The following GOLT1B variants were observed in gnomAD, a reference collection of about 807,000 sequenced individuals.
GOLT1B encodes vesicle transport protein GOT1B.
In GOLT1B, 3 loss-of-function variants were observed where a neutral mutation model predicts 15.4. That is an observed-to-expected ratio of 0.19 (90% CI 0.09 to 0.50). The LOEUF is 0.50. GOLT1B is among the 20% of genes least tolerant of loss of function. The pLI is 0.97. For synonymous variants in GOLT1B, 65 were observed against 56.2 expected (o/e 1.16, Z -0.70); for missense variants, 145 against 160.4 (o/e 0.90, Z 0.52).
In GOLT1B at chr12:21,515,654, T is replaced by C. The variant is rs989082451; in HGVS notation, c.379-15T>C. The C allele has an allele frequency of 7.7e-7, 1 of 1,299,234 alleles. No individual in the cohort carries two copies. The highest frequency in any genetic ancestry group is 2.3e-5 in the East Asian group (1 of 43,084). 80.5% of individuals were successfully genotyped at this position (1,299,234 alleles called of 1,614,324 possible). On this transcript the variant is annotated splice_polypyrimidine_tract_variant and intron_variant, in intron 4 of 4. Coordinates refer to ENST00000229314, the MANE Select transcript of GOLT1B (RefSeq NM_016072.5). ...CCGGGCTTTCTTTAATTCTCTGTTTTTCTTCTCCTTACAGTTTGTAGATAA... is the reference window on the plus strand; with the variant it reads ...CCGGGCTTTCTTTAATTCTCTGTTTCTCTTCTCCTTACAGTTTGTAGATAA...
intron 4 of GOLT1B, chr12:21,515,315 G>T: frequency 1.1e-6 from 1 of 928,822 alleles, no homozygotes; most frequent in South Asian, 1.6e-5. Flanking sequence ...ATGAATGGCT[G>T]ACATTTCAGT....
At chr12:21,514,036 CT>C (rs1461336305) in intron 4 of GOLT1B, among the ~76,000 whole-genome samples, 5 of 152,206 alleles carry the variant, frequency 3.3e-5, no homozygotes, top group African/African-American at 4.8e-5. Flanking sequence ...ATGACTGTCT[CT>C]TAGCCTACCT....
chr12:21,503,293 A>G (rs1407596729), intron 1 of GOLT1B, among the ~76,000 whole-genome samples: 2 of 152,228 alleles, frequency 1.3e-5, no homozygotes, highest in Non-Finnish European at 2.9e-5. Context: ...TCACAGAAGC[A>G]TGCCCCTTTC....
chr12:21,512,613 A>G (rs943866668), intron 4 of GOLT1B, among the ~76,000 whole-genome samples: 2 of 152,122 alleles, frequency 1.3e-5, no homozygotes, highest in Non-Finnish European at 2.9e-5. Flanking sequence ...TTTTAATGTT[A>G]CTCAGATTTG....
chr12:21,504,878 G>T (rs990728657), intron 1 of GOLT1B, among the ~76,000 whole-genome samples: 1 of 152,088 alleles, frequency 6.6e-6, no homozygotes, highest in African/African-American at 2.4e-5. Context: ...TAAAAGATGC[G>T]TCCCCCAGAA....
intron 1 of GOLT1B, 24 bp from the exon 2 acceptor site, chr12:21,506,861 T>A (rs1352130850): frequency 3.0e-6 from 3 of 1,012,034 alleles, no homozygotes; most frequent in Non-Finnish European, 4.6e-6. Context: ...TTCTCTACCC[T>A]TAACCATATA....
At chr12:21,510,321 C>T (rs1327610162) in intron 3 of GOLT1B, among the ~76,000 whole-genome samples, 1 of 152,186 alleles carries the variant, frequency 6.6e-6, no homozygotes, top group African/African-American at 2.4e-5. Flanking sequence ...GCAGATGTAT[C>T]TTGCAGCAGA....
rs138375603 is a variant in GOLT1B, at chr12:21,516,521, T to C, written c.*814T>C. The C allele has an allele frequency of 2.0e-4, 30 of 152,202 alleles. No homozygotes were observed. The East Asian group carries it at 5.4e-3, about 27-fold the overall frequency. The allele number at this position is 152,202 out of a possible 1,614,324, so 9.4% of individuals were successfully genotyped here. A position where few individuals can be genotyped will look rare whatever the true frequency, so the allele number is the denominator to read the frequency against. ...GTAGTTTGTTTCATAGCTTGTCTCATTGAATAGTATTATTGAAGATACTAA... is the reference window on the plus strand; with the variant it reads ...GTAGTTTGTTTCATAGCTTGTCTCACTGAATAGTATTATTGAAGATACTAA... On this transcript the variant is annotated 3_prime_UTR_variant, in exon 5 of 5. Coordinates refer to ENST00000229314, the MANE Select transcript of GOLT1B (RefSeq NM_016072.5).
intron 3 of GOLT1B, among the ~76,000 whole-genome samples, chr12:21,508,873 A>G (rs967198471): frequency 2.3e-5 from 3 of 127,682 alleles, no homozygotes; most frequent in East Asian, 2.4e-4. Flanking sequence ...CGATCGATCA[A>G]TCGGTAGGTA....
chr12:21,515,269 T>A (rs1943747735), intron 4 of GOLT1B: 1 of 1,434,736 alleles, frequency 7.0e-7, no homozygotes, highest in Non-Finnish European at 9.5e-7. Flanking sequence ...TCCACAGTAA[T>A]GGTCAGTTGA....
intron 2 of GOLT1B, chr12:21,508,153 C>G (rs1943692681): frequency 2.0e-6 from 1 of 502,838 alleles, no homozygotes; most frequent in Non-Finnish European, 3.5e-6. Flanking sequence ...TCCATTTAAT[C>G]AAGATAGAAG....
intron 1 of GOLT1B, among the ~76,000 whole-genome samples, chr12:21,502,953 A>G (rs1326863615): frequency 1.3e-5 from 2 of 152,200 alleles, no homozygotes; most frequent in Admixed American, 1.3e-4. Flanking sequence ...TTTAAAGTGG[A>G]GTCTTCTTGT....
chr12:21,508,919 A>C lies in GOLT1B; in HGVS notation c.296+358A>C, dbSNP rs11046094. Among the ~76,000 whole-genome samples, 934 of 151,364 alleles carry C rather than the reference A, an allele frequency of 6.2e-3. 8 individuals are homozygous for C. Among genetic ancestry groups the C allele is most frequent in the African/African-American group, 0.014 (584 of 41,320 alleles). The stretch of plus-strand genomic sequence containing the variant: ...TAGATAGATAGATAGATAGATAGAT[A>C]GATCCAGCATTTTGGTGTGTAGAAT... On this transcript the variant is annotated intron_variant, in intron 3 of 4. Coordinates refer to ENST00000229314, the MANE Select transcript of GOLT1B (RefSeq NM_016072.5).
At chr12:21,501,986 C>T in intron 1 of GOLT1B, 38 bp downstream of exon 1, 1 of 1,509,848 alleles carries the variant, frequency 6.6e-7, no homozygotes, top group South Asian at 1.1e-5. Flanking sequence ...TCGAGCCGCG[C>T]ACACCCATCG....
chr12:21,508,943 A>G (rs1368393495), intron 3 of GOLT1B, among the ~76,000 whole-genome samples: 3 of 141,152 alleles, frequency 2.1e-5, no homozygotes, highest in African/African-American at 7.5e-5. Context: ...GGTGTGTAGA[A>G]TCTTATACTT....
At position 21,508,376 on chromosome 12, in the gene GOLT1B, CT is replaced by C; in HGVS notation, c.118-3del. ...CTTTTCCGTGTTGTATTTTCTTTCTCTTTTAGGTTTTATTTGTAGCCGGCTT... is the reference window on the plus strand; with the variant it reads ...CTTTTCCGTGTTGTATTTTCTTTCTCTTTAGGTTTTATTTGTAGCCGGCTT... On this transcript the variant is annotated splice_region_variant and splice_polypyrimidine_tract_variant and intron_variant, in intron 2 of 4. Coordinates refer to ENST00000229314, the MANE Select transcript of GOLT1B (RefSeq NM_016072.5). 1 of 1,517,260 alleles carries C rather than the reference CT, an allele frequency of 6.6e-7. No homozygotes were observed. The highest frequency in any genetic ancestry group is 9.0e-7 in the Non-Finnish European group (1 of 1,116,774). The allele number at this position is 1,517,260 out of a possible 1,614,324, so 94.0% of individuals were successfully genotyped here. A position where few individuals can be genotyped will look rare whatever the true frequency, so the allele number is the denominator to read the frequency against.
In GOLT1B at chr12:21,501,823, C is replaced by G. The variant is rs1330461811; in HGVS notation, c.-101C>G. Reference sequence around the variant, plus strand: ...GGCTGCGTGTTTCCGGAAGACGTGGCGGCTCTCGCCTGGGCTGTTTCCCGG... The same window carrying G: ...GGCTGCGTGTTTCCGGAAGACGTGGGGGCTCTCGCCTGGGCTGTTTCCCGG... On this transcript the variant is annotated 5_prime_UTR_variant, in exon 1 of 5. Coordinates refer to ENST00000229314, the MANE Select transcript of GOLT1B (RefSeq NM_016072.5). 17 of 805,944 alleles carry G rather than the reference C, an allele frequency of 2.1e-5. No individual in the cohort carries two copies. Among genetic ancestry groups the G allele is most frequent in the Non-Finnish European group, 3.0e-5 (14 of 465,444 alleles). The allele number at this position is 805,944 out of a possible 1,614,324, so 49.9% of individuals were successfully genotyped here.
chr12:21,506,028 CTT>C (rs1317585799), intron 1 of GOLT1B, among the ~76,000 whole-genome samples: 1 of 113,770 alleles, frequency 8.8e-6, no homozygotes, highest in Non-Finnish European at 2.0e-5. Flanking sequence ...TAAACATAGA[CTT>C]TAAAGCTTAC....
chr12:21,515,729 C>G lies in GOLT1B; in HGVS notation c.*22C>G, dbSNP rs765959089. 1.9e-6 allele frequency: 2 copies of G among 1,039,254 alleles called. No individual in the cohort carries two copies. The highest frequency in any genetic ancestry group is 1.5e-6 in the Non-Finnish European group (1 of 676,290). The allele number at this position is 1,039,254 out of a possible 1,614,324, so 64.4% of individuals were successfully genotyped here. A position where few individuals can be genotyped will look rare whatever the true frequency, so the allele number is the denominator to read the frequency against. On this transcript the variant is annotated 3_prime_UTR_variant, in exon 5 of 5. Transcript: ENST00000229314. Reference sequence around the variant, plus strand: ...ATAACAACAAGTGAATTTGAAGACTCATTTAAAATATTGTGTTATTTATAA... The same window carrying G: ...ATAACAACAAGTGAATTTGAAGACTGATTTAAAATATTGTGTTATTTATAA...
Sources: allele counts gnomAD v4.1 joint callset (sites outside exome capture counted in the v4.1 genomes callset), GRCh38; gene constraint gnomAD v4.1.1; transcripts MANE v1.5; gene names NCBI Gene and HGNC (gene_info 2026-07-23, HGNC 2026-07-21).